The following CNTNAP5 variants were observed in gnomAD, a reference collection of about 807,000 sequenced individuals.
The protein encoded by CNTNAP5 is contactin-associated protein-like 5.
A neutral mutation model predicts 150.2 loss-of-function variants in CNTNAP5; 72 were observed. That is an observed-to-expected ratio of 0.48 (90% CI 0.40 to 0.58). CNTNAP5 has a LOEUF of 0.58. CNTNAP5 is among the 20% of genes least tolerant of loss of function. CNTNAP5 has a pLI of 0.00. For synonymous variants in CNTNAP5, 672 were observed against 619.8 expected (o/e 1.08, Z -1.25); for missense variants, 1,636 against 1,626.2 (o/e 1.01, Z -0.10).
rs192571016 is a variant in CNTNAP5, at chr2:124,799,144, A to G, written c.3217+824A>G. Among the ~76,000 whole-genome samples the G allele has an allele frequency of 9.3e-4, 142 of 152,296 alleles. 2 individuals are homozygous for G. The highest frequency in any genetic ancestry group is 3.3e-3 in the African/African-American group (138 of 41,566). On this transcript the variant is annotated intron_variant, in intron 19 of 23. Transcript: ENST00000682447. ...TCATTTTTCAATTTGCATGGTATCT[A>G]ATAGGTTCTAGTGCCTAAATTGCCC...
chr2:124,484,012 A>G (rs1693814699), intron 7 of CNTNAP5, among the ~76,000 whole-genome samples: 1 of 152,104 alleles, frequency 6.6e-6, no homozygotes, highest in African/African-American at 2.4e-5. Context: ...CTGGTTTCCC[A>G]TTTGGCTTTT....
At chr2:124,450,025 T>A (rs1692926060) in intron 6 of CNTNAP5, among the ~76,000 whole-genome samples, 1 of 151,694 alleles carries the variant, frequency 6.6e-6, no homozygotes, top group Admixed American at 6.6e-5. Context: ...TTGGAAGGAA[T>A]GGAGCTAAAC....
Position 124,911,902 on chromosome 2 carries a change from G to T in CNTNAP5, c.3727+364G>T, listed in dbSNP as rs187109989. On this transcript the variant is annotated intron_variant, in intron 23 of 23. Coordinates refer to ENST00000682447, the MANE Select transcript of CNTNAP5 (RefSeq NM_001367498.1). ...AAACTAAATTCGGGGAAGAAGCCATGTTGGGGCAGACAATGGGTGAAGCCG... is the reference window on the plus strand; with the variant it reads ...AAACTAAATTCGGGGAAGAAGCCATTTTGGGGCAGACAATGGGTGAAGCCG... 1.2e-4 allele frequency among the ~76,000 whole-genome samples: 19 copies of T among 152,262 alleles called. No homozygotes were observed. The East Asian group carries it at 3.5e-3, about 28-fold the overall frequency.
chr2:124,506,945 G>A (rs1203156555), intron 8 of CNTNAP5, among the ~76,000 whole-genome samples: 1 of 152,118 alleles, frequency 6.6e-6, no homozygotes, highest in Non-Finnish European at 1.5e-5. Context: ...ATGTAGGGAA[G>A]TTTACATTTT....
At chr2:124,607,288 A>T (rs1474458970) in intron 11 of CNTNAP5, among the ~76,000 whole-genome samples, 1 of 152,078 alleles carries the variant, frequency 6.6e-6, no homozygotes, top group African/African-American at 2.4e-5. Context: ...TTAAGGCTTG[A>T]TATGGGGATC....
chr2:124,747,197 T>C, intron 13 of CNTNAP5, 32 bp from the exon 14 acceptor site: 2 of 1,603,412 alleles, frequency 1.2e-6, no homozygotes, highest in East Asian at 2.3e-5. Context: ...AGGCTTGCCC[T>C]ACCCTGACTG....
intron 3 of CNTNAP5, among the ~76,000 whole-genome samples, chr2:124,291,523 C>T (rs920255023): frequency 5.3e-5 from 8 of 151,434 alleles, no homozygotes; most frequent in Admixed American, 4.0e-4. Context: ...GAGAGAGCCA[C>T]ATTTTAAGAT....
At chr2:124,063,813 C>G (rs1682078367) in intron 1 of CNTNAP5, among the ~76,000 whole-genome samples, 3 of 152,038 alleles carry the variant, frequency 2.0e-5, no homozygotes, top group Non-Finnish European at 4.4e-5. Context: ...TAAAGGTGGG[C>G]ACAGGACATT....
chr2:124,078,819 G>GA (rs1311310417), intron 1 of CNTNAP5, among the ~76,000 whole-genome samples: 3 of 152,048 alleles, frequency 2.0e-5, no homozygotes, highest in African/African-American at 7.2e-5. Context: ...GGGATGCAGG[G>GA]AAGGAGGAAA....
At chr2:124,160,689 G>A (rs560960670) in intron 1 of CNTNAP5, among the ~76,000 whole-genome samples, 2 of 152,246 alleles carry the variant, frequency 1.3e-5, no homozygotes, top group South Asian at 4.1e-4. Context: ...TTGAAGCACG[G>A]TAATTAGGTA....
At chr2:124,372,844 CACTA>C (rs1690562668) in intron 3 of CNTNAP5, among the ~76,000 whole-genome samples, 1 of 152,068 alleles carries the variant, frequency 6.6e-6, no homozygotes, top group African/African-American at 2.4e-5. Context: ...CAGGACGAAG[CACTA>C]ACTATGTGCA....
chr2:124,565,191 C>T (rs1420042621), intron 11 of CNTNAP5, among the ~76,000 whole-genome samples: 1 of 152,148 alleles, frequency 6.6e-6, no homozygotes, highest in African/African-American at 2.4e-5. Context: ...AGAACTAGTC[C>T]ACTAGTCCAC....
chr2:124,884,566 C>T (rs1678040184), intron 21 of CNTNAP5, among the ~76,000 whole-genome samples: 1 of 151,982 alleles, frequency 6.6e-6, no homozygotes, highest in Non-Finnish European at 1.5e-5. Context: ...AAGAGTAGGG[C>T]TGGGCCTTTA....
At chr2:124,215,097 T>C (rs888822134) in intron 1 of CNTNAP5, among the ~76,000 whole-genome samples, 2 of 152,168 alleles carry the variant, frequency 1.3e-5, no homozygotes, top group Non-Finnish European at 2.9e-5. Flanking sequence ...GCATGAGTTG[T>C]CATGTCTAAG....
intron 3 of CNTNAP5, among the ~76,000 whole-genome samples, chr2:124,294,232 T>C (rs1403359835): frequency 1.2e-5 from 1 of 84,150 alleles, no homozygotes; most frequent in Admixed American, 1.2e-4. Flanking sequence ...TTCTGCGTAC[T>C]AGACACTCTT....
At chr2:124,630,699 A>G (rs1677834185) in intron 12 of CNTNAP5, among the ~76,000 whole-genome samples, 1 of 152,186 alleles carries the variant, frequency 6.6e-6, no homozygotes, top group African/African-American at 2.4e-5. Context: ...CTCTTATTCA[A>G]CATAGTAGTG....
At chr2:124,292,048 A>T (rs1688308283) in intron 3 of CNTNAP5, among the ~76,000 whole-genome samples, 1 of 152,194 alleles carries the variant, frequency 6.6e-6, no homozygotes, top group Non-Finnish European at 1.5e-5. Flanking sequence ...GCACAATCAT[A>T]TGAGGACCAA....
At chr2:124,641,624 CATAG>C (rs1224810822) in intron 12 of CNTNAP5, among the ~76,000 whole-genome samples, 21 of 152,282 alleles carry the variant, frequency 1.4e-4, no homozygotes, top group Admixed American at 1.3e-3. Context: ...ACTTTGTCAA[CATAG>C]ATAACTACAG....
chr2:124,168,622 G>A (rs2699371), intron 1 of CNTNAP5, among the ~76,000 whole-genome samples: 147,501 of 152,272 alleles, frequency 0.97, 71,614 homozygotes, highest in East Asian at 1. Context: ...GATTAGACCT[G>A]GCCTCAACAG....
Sources: gnomAD v4.1 joint callset for allele counts (sites outside exome capture counted in the v4.1 genomes callset) on GRCh38, gnomAD v4.1.1 for gene constraint, MANE v1.5 for transcripts, NCBI Gene and HGNC (gene_info 2026-07-23, HGNC 2026-07-21) for gene names.